KIF3B: variants seen among roughly 807,000 people sequenced by gnomAD.
The protein encoded by KIF3B is kinesin family member 3B.
KIF3B carries 38 observed loss-of-function variants against 74.3 expected under a neutral mutation model. That is an observed-to-expected ratio of 0.51 (90% CI 0.39 to 0.67). The LOEUF (loss-of-function observed/expected upper bound fraction) is 0.67, where lower values mean the gene tolerates loss of function less well. KIF3B is among the 30% of genes least tolerant of loss of function. KIF3B has a pLI of 0.00. For synonymous variants in KIF3B, 326 were observed against 342.5 expected, an observed-to-expected ratio of 0.95 and a Z score of 0.53; for missense variants, 649 against 932.0, an observed-to-expected ratio of 0.70 and a Z score of 3.95.
At chr20:32,299,924 A>G (rs1365409533) in intron 1 of KIF3B, among the ~76,000 whole-genome samples, 4 of 147,962 alleles carry the variant, frequency 2.7e-5, no homozygotes, top group African/African-American at 1.0e-4. Context: ...AAGTACTGGG[A>G]CTATAGGCAT....
intron 5 of KIF3B, among the ~76,000 whole-genome samples, chr20:32,319,973 C>G (rs2047851150): frequency 6.6e-6 from 1 of 152,032 alleles, no homozygotes; most frequent in Non-Finnish European, 1.5e-5. Flanking sequence ...TAGCTCACTG[C>G]AGCCTCTGCC....
chr20:32,330,058 A>G (rs1380983388), intron 7 of KIF3B, 83 bp from the exon 8 acceptor site: 5 of 1,283,026 alleles, frequency 3.9e-6, no homozygotes, highest in East Asian at 2.6e-5. Flanking sequence ...TTGCACTTCT[A>G]TTCTTGGAGG....
intron 1 of KIF3B, among the ~76,000 whole-genome samples, chr20:32,287,014 A>G (rs1413831209): frequency 6.6e-6 from 1 of 152,206 alleles, no homozygotes; most frequent in African/African-American, 2.4e-5. Context: ...GAATTTACCC[A>G]TGGTGATGGT....
Position 32,316,613 on chromosome 20 carries a change from G to A in KIF3B, c.1593G>A (p.Gln531=), listed in dbSNP as rs757897828. The A allele has an allele frequency of 3.1e-6, 5 of 1,614,132 alleles. No individual in the cohort carries two copies. The highest frequency in any genetic ancestry group is 4.2e-6 in the Non-Finnish European group (5 of 1,180,022). Residue 531 remains glutamine, a synonymous_variant, in exon 4 of 9, where the codon CAG becomes CAA. Transcript: ENST00000375712. ...LELKETYSSL[Q]QEVDIKTKKL... Reference sequence around the variant, plus strand: ...TTAAAGAGACATACAGCTCATTGCAGCAAGAGGTGGACATCAAGACCAAAA... The same window carrying A: ...TTAAAGAGACATACAGCTCATTGCAACAAGAGGTGGACATCAAGACCAAAA...
intron 1 of KIF3B, among the ~76,000 whole-genome samples, chr20:32,299,694 G>A (rs988063400): frequency 6.6e-6 from 1 of 151,438 alleles, no homozygotes; most frequent in Non-Finnish European, 1.5e-5. Flanking sequence ...TTATAGGCGT[G>A]AGCCACCACA....
At chr20:32,295,470 T>A (rs2122668141) in intron 1 of KIF3B, among the ~76,000 whole-genome samples, 1 of 152,168 alleles carries the variant, frequency 6.6e-6, no homozygotes, top group East Asian at 1.9e-4. Flanking sequence ...TTTTTTTGTA[T>A]TTTTAGTAGA....
chr20:32,321,156 G>A (rs906409075), intron 5 of KIF3B, among the ~76,000 whole-genome samples: 1 of 151,988 alleles, frequency 6.6e-6, no homozygotes, highest in South Asian at 2.1e-4. Context: ...AGGGCCGGGC[G>A]CTGTGGCTCA....
At chr20:32,289,472 G>A (rs1569188964) in intron 1 of KIF3B, among the ~76,000 whole-genome samples, 2 of 152,134 alleles carry the variant, frequency 1.3e-5, no homozygotes, top group Non-Finnish European at 2.9e-5. Context: ...GACTACAGGC[G>A]GGAGCCACCA....
intron 1 of KIF3B, among the ~76,000 whole-genome samples, chr20:32,298,015 G>A (rs189944370): frequency 2.0e-5 from 3 of 151,754 alleles, no homozygotes; most frequent in Admixed American, 6.6e-5. Flanking sequence ...GAGGCTAAGC[G>A]GGGAGAATCG....
intron 7 of KIF3B, among the ~76,000 whole-genome samples, chr20:32,329,770 T>C (rs2047921409): frequency 6.6e-6 from 1 of 152,218 alleles, no homozygotes; most frequent in Non-Finnish European, 1.5e-5. Flanking sequence ...TTCTTTTTGC[T>C]CATCTGTATT....
chr20:32,285,384 C>G (rs2047662963), intron 1 of KIF3B, among the ~76,000 whole-genome samples: 1 of 152,106 alleles, frequency 6.6e-6, no homozygotes. Flanking sequence ...GGATAAAGTC[C>G]CATATAACAC....
chr20:32,329,753 G>GT (rs747112182), intron 7 of KIF3B, among the ~76,000 whole-genome samples: 3 of 152,080 alleles, frequency 2.0e-5, no homozygotes, highest in South Asian at 2.1e-4. Context: ...CACACTCAAT[G>GT]TTTTTTTTCT....
intron 7 of KIF3B, 107 bp downstream of exon 7, chr20:32,327,768 A>T: frequency 1.4e-6 from 1 of 690,396 alleles, no homozygotes; most frequent in Non-Finnish European, 2.5e-6. Context: ...TTCCAGAGGT[A>T]CTTGAAGACA....
chr20:32,286,464 A>G (rs954979986), intron 1 of KIF3B, among the ~76,000 whole-genome samples: 14 of 152,234 alleles, frequency 9.2e-5, no homozygotes, highest in African/African-American at 3.1e-4. Context: ...TCCTTGGTGG[A>G]AGTAGTTACT....
intron 5 of KIF3B, among the ~76,000 whole-genome samples, chr20:32,324,070 C>T (rs948904873): frequency 6.6e-5 from 10 of 151,274 alleles, no homozygotes; most frequent in Non-Finnish European, 1.3e-4. Context: ...GATTATGCCA[C>T]TGCATTCCAG....
At chr20:32,301,585 C>A (rs911908446) in intron 1 of KIF3B, among the ~76,000 whole-genome samples, 2 of 150,938 alleles carry the variant, frequency 1.3e-5, no homozygotes, top group Non-Finnish European at 2.9e-5. Context: ...CCGTGTTGGA[C>A]AGGCTAGTCT....
chr20:32,295,854 C>CTTT (rs66566110), intron 1 of KIF3B, among the ~76,000 whole-genome samples: 28 of 110,868 alleles, frequency 2.5e-4, no homozygotes, highest in Non-Finnish European at 3.6e-5. Flanking sequence ...TTTTTATTAT[C>CTTT]TTTTTTTTTT....
intron 6 of KIF3B, 59 bp from the exon 7 acceptor site, chr20:32,327,497 T>TC: frequency 7.1e-7 from 1 of 1,413,662 alleles, no homozygotes; most frequent in Non-Finnish European, 1.0e-6. Context: ...GTCAGTGTCT[T>TC]CCGAGTGCTG....
intron 1 of KIF3B, among the ~76,000 whole-genome samples, chr20:32,287,315 C>G (rs1316744457): frequency 4.0e-5 from 6 of 149,994 alleles, no homozygotes; most frequent in Admixed American, 2.0e-4. Flanking sequence ...CAGGCCCAAT[C>G]TATTTTTTTT....
Sources: allele counts gnomAD v4.1 joint callset (sites outside exome capture counted in the v4.1 genomes callset), GRCh38; gene constraint gnomAD v4.1.1; transcripts MANE v1.5; gene names NCBI Gene and HGNC (gene_info 2026-07-23, HGNC 2026-07-21).